The following KIF18A variants were observed in gnomAD, a reference collection of about 807,000 sequenced individuals.
The protein encoded by KIF18A is kinesin-like protein KIF18A.
In KIF18A, 67 loss-of-function variants were observed where a neutral mutation model predicts 103.3. The observed-to-expected ratio is 0.65, with a 90% CI of 0.53 to 0.79. KIF18A has a LOEUF of 0.79. KIF18A is among the 30% of genes least tolerant of loss of function. The probability of loss-of-function intolerance (pLI) is 0.00; values close to 1 mark genes in which losing one functional copy is unlikely to be tolerated. For synonymous variants in KIF18A, 367 were observed against 355.5 expected, an observed-to-expected ratio of 1.03 and a Z score of -0.36; for missense variants, 1,032 against 1,062.5, an observed-to-expected ratio of 0.97 and a Z score of 0.40.
chr11:28,026,822 A>T (rs1850328255), intron 15 of KIF18A, among the ~76,000 whole-genome samples: 1 of 151,856 alleles, frequency 6.6e-6, no homozygotes, highest in African/African-American at 2.4e-5. Flanking sequence ...TATGCAAATT[A>T]GTGATAAAAG....
Position 28,088,552 on chromosome 11 carries a change from T to C in KIF18A, c.869A>G (p.Asn290Ser), listed in dbSNP as rs1304566797. 6.2e-7 allele frequency: 1 copy of C among 1,613,988 alleles called. No homozygotes were observed. The highest frequency in any genetic ancestry group is 1.7e-5 in the Admixed American group (1 of 60,012). Residue 290 changes from asparagine to serine, a missense_variant, in exon 6 of 17, where the codon AAT (asparagine) becomes AGT (serine). Physicochemically the swap from Asn to Ser is conservative, Grantham distance 46. Coordinates refer to ENST00000263181, the MANE Select transcript of KIF18A (RefSeq NM_031217.4). Reference sequence around the variant, plus strand: ...TGAATCTGCTAAGGCATTGATGACATTCCCAAGAGCTAAAAGTGATCTATT... The same window carrying C: ...TGAATCTGCTAAGGCATTGATGACACTCCCAAGAGCTAAAAGTGATCTATT... The part of the protein sequence containing the change: ...NINRSLLALG[N>S]VINALADSKR...
intron 12 of KIF18A, 116 bp from the exon 13 acceptor site, chr11:28,059,277 T>C: frequency 1.3e-6 from 1 of 761,446 alleles, no homozygotes; most frequent in Non-Finnish European, 2.1e-6. Flanking sequence ...ATTTCCCATG[T>C]ATGAACTGAG....
chr11:28,093,957 A>T (rs1407923032), intron 3 of KIF18A, among the ~76,000 whole-genome samples: 1 of 152,202 alleles, frequency 6.6e-6, no homozygotes, highest in Non-Finnish European at 1.5e-5. Context: ...TACAGACCAC[A>T]GCATAATAAA....
At chr11:28,038,875 T>C (rs1160679484) in intron 13 of KIF18A, among the ~76,000 whole-genome samples, 1 of 151,790 alleles carries the variant, frequency 6.6e-6, no homozygotes, top group Non-Finnish European at 1.5e-5. Flanking sequence ...TTTATACTAA[T>C]GCTGCAGAGT....
Position 28,036,432 on chromosome 11 carries a change from T to C in KIF18A, c.2181A>G (p.Ser727=), listed in dbSNP as rs1170142249. Residue 727 remains serine (S), a synonymous_variant, in exon 14 of 17, where the codon TCA becomes TCG. Transcript: ENST00000263181. ...TGATAGCCTGAAAACTTGTAGTAAA[T>C]GATGATGGTTTCATTAAGGTTACTG... The part of the protein sequence containing the change: ...PSTVTLMKPS[S]FTTSFQAISS... The C allele has an allele frequency of 6.2e-7, 1 of 1,610,952 alleles. No homozygotes were observed.
intron 7 of KIF18A, among the ~76,000 whole-genome samples, chr11:28,083,910 C>T (rs1851196209): frequency 6.6e-6 from 1 of 152,044 alleles, no homozygotes; most frequent in South Asian, 2.1e-4. Context: ...ACATGCTCAT[C>T]TTCAGACACT....
At chr11:28,082,763 TAA>T in intron 9 of KIF18A, 91 bp downstream of exon 9, 1 of 711,380 alleles carries the variant, frequency 1.4e-6, no homozygotes, top group Middle Eastern at 3.9e-4. Context: ...TATGTACATA[TAA>T]AAGACATAAC....
chr11:28,031,053 G>T (rs1850395516), intron 15 of KIF18A, among the ~76,000 whole-genome samples: 1 of 151,646 alleles, frequency 6.6e-6, no homozygotes, highest in South Asian at 2.1e-4. Context: ...AGAGGATGTG[G>T]AGAAATAGGA....
chr11:28,041,584 G>T (rs913279693), intron 13 of KIF18A, among the ~76,000 whole-genome samples: 22 of 151,776 alleles, frequency 1.4e-4, no homozygotes, highest in Non-Finnish European at 3.1e-4. Flanking sequence ...AGTGTAAAGG[G>T]AGATCTGTGG....
chr11:28,088,393 T>C, intron 6 of KIF18A, 131 bp downstream of exon 6: 1 of 718,496 alleles, frequency 1.4e-6, no homozygotes, highest in Non-Finnish European at 2.3e-6. Context: ...TTGATCTATA[T>C]ATTAACATTA....
intron 12 of KIF18A, among the ~76,000 whole-genome samples, chr11:28,060,544 C>A (rs918558404): frequency 6.6e-6 from 1 of 151,900 alleles, no homozygotes; most frequent in South Asian, 2.1e-4. Flanking sequence ...TAAACAATTA[C>A]TTATTTAGCA....
intron 15 of KIF18A, 57 bp downstream of exon 15, chr11:28,035,330 T>C: frequency 1.2e-6 from 1 of 818,242 alleles, no homozygotes; most frequent in Non-Finnish European, 1.9e-6. Flanking sequence ...TAGCATATAA[T>C]ATATAAAGAT....
intron 7 of KIF18A, among the ~76,000 whole-genome samples, chr11:28,084,094 T>C (rs1332307137): frequency 6.6e-6 from 1 of 152,190 alleles, no homozygotes; most frequent in Non-Finnish European, 1.5e-5. Context: ...ATTATTATTA[T>C]ATTTCTGGAG....
intron 10 of KIF18A, among the ~76,000 whole-genome samples, chr11:28,074,545 T>A (rs1265491188): frequency 6.6e-6 from 1 of 152,102 alleles, no homozygotes; most frequent in Non-Finnish European, 1.5e-5. Context: ...TATTACTAAT[T>A]TTGATAATAT....
chr11:28,060,593 G>A (rs1850845076), intron 12 of KIF18A, among the ~76,000 whole-genome samples: 1 of 152,138 alleles, frequency 6.6e-6, no homozygotes, highest in South Asian at 2.1e-4. Flanking sequence ...AGTTATCATA[G>A]TAGGTCTGAC....
At chr11:28,077,878 T>A (rs1214329517) in intron 9 of KIF18A, among the ~76,000 whole-genome samples, 2 of 152,110 alleles carry the variant, frequency 1.3e-5, no homozygotes, top group East Asian at 3.8e-4. Context: ...GATGAGGAGT[T>A]TGATTCATAT....
chr11:28,037,502 T>C (rs1850508656), intron 13 of KIF18A, among the ~76,000 whole-genome samples: 1 of 151,572 alleles, frequency 6.6e-6, no homozygotes, highest in African/African-American at 2.4e-5. Context: ...GGCTATATAC[T>C]ATGCCATTTT....
intron 11 of KIF18A, 71 bp downstream of exon 11, chr11:28,069,188 A>G (rs1850976770): frequency 1.9e-5 from 22 of 1,178,510 alleles, no homozygotes; most frequent in South Asian, 6.5e-5. Context: ...CATTTACTCA[A>G]TAAGAAAAAG....
rs12574852 is a variant in KIF18A, at chr11:28,039,558, C to G, written c.1949-2894G>C. 8.6e-3 allele frequency among the ~76,000 whole-genome samples: 1,302 copies of G among 151,744 alleles called. 97 individuals are homozygous for G. In the East Asian group the frequency reaches 0.2, roughly 23 times the overall value. On this transcript the variant is annotated intron_variant, in intron 13 of 16. Coordinates refer to ENST00000263181, the MANE Select transcript of KIF18A (RefSeq NM_031217.4). ...TGGGCAAATTCCCATCATGGTGGACCACATTTTCCCTACTGCTAGTAAAGA... is the reference window on the plus strand; with the variant it reads ...TGGGCAAATTCCCATCATGGTGGACGACATTTTCCCTACTGCTAGTAAAGA...
Sources: allele counts gnomAD v4.1 joint callset (sites outside exome capture counted in the v4.1 genomes callset), GRCh38; gene constraint gnomAD v4.1.1; transcripts MANE v1.5; gene names NCBI Gene and HGNC (gene_info 2026-07-23, HGNC 2026-07-21).